Variants in DOCK5 observed in about 807,000 individuals in gnomAD.
The protein encoded by DOCK5 is dedicator of cytokinesis 5.
In DOCK5, 142 loss-of-function variants were observed where a neutral mutation model predicts 251.8. That is an observed-to-expected ratio of 0.56 (90% CI 0.49 to 0.65). The LOEUF is 0.65. Among genes scored for constraint, DOCK5 ranks in the 30% least tolerant of loss-of-function variants. DOCK5 has a pLI of 0.00. For missense variants in DOCK5, 2,111 were observed against 2,312.3 expected (o/e 0.91, Z 1.79); for synonymous variants, 842 against 835.5 (o/e 1.01, Z -0.13).
chr8:25,372,585 A>G lies in DOCK5; in HGVS notation c.3551A>G (p.Lys1184Arg), dbSNP rs768666883. 5 of 1,585,952 alleles carry G rather than the reference A, an allele frequency of 3.2e-6. No homozygotes were observed. The highest frequency in any genetic ancestry group is 2.7e-5 in the African/African-American group (2 of 72,988). ...CTCCTAGAACATTGCCGGAAACACA[A>G]ATACCTCTCCAGCTCTGGGGAGGTC... The part of the protein sequence containing the change: ...KLLLEHCRKH[K>R]YLSSSGEVFA... The change falls in exon 35 of 52, where the codon AAA becomes AGA. Residue 1184 changes from lysine (K) to arginine (R), a missense_variant. Coordinates refer to ENST00000276440, the MANE Select transcript of DOCK5 (RefSeq NM_024940.8).
In DOCK5 at chr8:25,323,927, G is replaced by A. The variant is rs756264742; in HGVS notation, c.1695G>A (p.Gly565=). The A allele has an allele frequency of 1.9e-6, 3 of 1,612,852 alleles. No individual in the cohort carries two copies. The highest frequency in any genetic ancestry group is 2.2e-5 in the East Asian group (1 of 44,860). ...MNPDGTTLQD[G]RHDLVVYKGD... ...CGGATGGCACCACTCTGCAGGATGG[G>A]AGGCACGATCTGGTGGTTTATAAGG... Residue 565 remains glycine (G), a synonymous_variant, in exon 17 of 52, where the codon GGG becomes GGA. Transcript: ENST00000276440.
At chr8:25,204,220 A>G (rs953087533) in intron 1 of DOCK5, among the ~76,000 whole-genome samples, 9 of 152,204 alleles carry the variant, frequency 5.9e-5, no homozygotes, top group African/African-American at 2.2e-4. Flanking sequence ...AGTCGATACA[A>G]CATAATGAGA....
At chr8:25,389,353 C>G in intron 41 of DOCK5, 121 bp downstream of exon 41, 3 of 1,292,454 alleles carry the variant, frequency 2.3e-6, no homozygotes, top group South Asian at 3.2e-5. Context: ...CTCAAGCATT[C>G]TGACACAGGT....
At chr8:25,313,374 G>A (rs1471293381) in intron 13 of DOCK5, among the ~76,000 whole-genome samples, 1 of 152,124 alleles carries the variant, frequency 6.6e-6, no homozygotes, top group Admixed American at 6.5e-5. Context: ...CTAGCCTAGC[G>A]ATCAACTCTG....
intron 12 of DOCK5, among the ~76,000 whole-genome samples, chr8:25,310,172 C>G (rs992961563): frequency 6.6e-6 from 1 of 152,010 alleles, no homozygotes; most frequent in Admixed American, 6.6e-5. Context: ...TAGGGTCTAT[C>G]TTTACCCCTT....
intron 13 of DOCK5, among the ~76,000 whole-genome samples, chr8:25,311,225 G>A (rs1347494079): frequency 6.6e-6 from 1 of 152,092 alleles, no homozygotes; most frequent in Non-Finnish European, 1.5e-5. Context: ...TAAACTAATT[G>A]ATATTAATAG....
chr8:25,282,880 A>G (rs1227807853), intron 5 of DOCK5, among the ~76,000 whole-genome samples: 2 of 121,732 alleles, frequency 1.6e-5, no homozygotes, highest in African/African-American at 2.8e-5. Context: ...AAAAAAAAAA[A>G]GATACCTGTG....
intron 2 of DOCK5, among the ~76,000 whole-genome samples, chr8:25,246,991 A>G (rs1803134434): frequency 1.3e-5 from 2 of 151,828 alleles, no homozygotes; most frequent in African/African-American, 4.8e-5. Flanking sequence ...GGCTCAAGCT[A>G]TCCTCTTGCC....
At chr8:25,360,682 G>T (rs1586361512) in intron 28 of DOCK5, among the ~76,000 whole-genome samples, 1 of 152,154 alleles carries the variant, frequency 6.6e-6, no homozygotes, top group African/African-American at 2.4e-5. Flanking sequence ...CCAGCTTCGT[G>T]CAGGTAGGCA....
chr8:25,309,970 AT>A (rs1805045056), intron 12 of DOCK5, among the ~76,000 whole-genome samples: 1 of 152,182 alleles, frequency 6.6e-6, no homozygotes, highest in South Asian at 2.1e-4. Context: ...GGGAAATTAA[AT>A]TTTCTTAAGT....
intron 2 of DOCK5, among the ~76,000 whole-genome samples, chr8:25,252,007 AAG>A (rs1354431424): frequency 2.6e-5 from 4 of 151,838 alleles, no homozygotes; most frequent in African/African-American, 9.7e-5. Flanking sequence ...AAAAAAAAAA[AAG>A]AGTGCTTTTA....
At chr8:25,261,878 C>G (rs1246379485) in intron 2 of DOCK5, among the ~76,000 whole-genome samples, 1 of 152,142 alleles carries the variant, frequency 6.6e-6, no homozygotes, top group Non-Finnish European at 1.5e-5. Context: ...TGTTTGGGCT[C>G]TTTCACTTAT....
At chr8:25,346,985 C>T (rs1411874722) in intron 26 of DOCK5, among the ~76,000 whole-genome samples, 1 of 152,178 alleles carries the variant, frequency 6.6e-6, no homozygotes, top group Non-Finnish European at 1.5e-5. Context: ...AAAAAAGCAT[C>T]TTACCACAAA....
At chr8:25,323,805 G>C in intron 16 of DOCK5, 43 bp from the exon 17 acceptor site, 1 of 1,591,060 alleles carries the variant, frequency 6.3e-7, no homozygotes, top group Non-Finnish European at 8.6e-7. Context: ...TCGCCTCCTG[G>C]TGTCTCTCTG....
At chr8:25,331,781 C>CATATATAT (rs746849662) in intron 18 of DOCK5, among the ~76,000 whole-genome samples, 1 of 131,196 alleles carries the variant, frequency 7.6e-6, no homozygotes, top group Non-Finnish European at 1.6e-5. Context: ...TAAATTAATG[C>CATATATAT]ATATATATAT....
Position 25,273,388 on chromosome 8 carries a change from A to C in DOCK5, c.169-1998A>C, listed in dbSNP as rs565592129. 2.0e-5 allele frequency among the ~76,000 whole-genome samples: 3 copies of C among 152,274 alleles called. No homozygotes were observed. The East Asian group carries it at 5.8e-4, about 29-fold the overall frequency. ...TGAGGTGAGCTGATCACTTGAGGTTAAGAGTTGAAGACCAGCCTGGCCTGG... is the reference window on the plus strand; with the variant it reads ...TGAGGTGAGCTGATCACTTGAGGTTCAGAGTTGAAGACCAGCCTGGCCTGG... On this transcript the variant is annotated intron_variant, in intron 3 of 51. Coordinates refer to ENST00000276440, the MANE Select transcript of DOCK5 (RefSeq NM_024940.8).
chr8:25,205,628 C>T (rs781389416), intron 1 of DOCK5, among the ~76,000 whole-genome samples: 4 of 152,180 alleles, frequency 2.6e-5, no homozygotes, highest in Non-Finnish European at 4.4e-5. Context: ...ACATCAGATA[C>T]ATGCCTTTAG....
At chr8:25,306,086 A>G (rs996365720) in intron 11 of DOCK5, among the ~76,000 whole-genome samples, 4 of 152,184 alleles carry the variant, frequency 2.6e-5, no homozygotes, top group African/African-American at 9.6e-5. Flanking sequence ...GCTATGAATT[A>G]TTTTTTTAAA....
At chr8:25,240,677 G>T (rs1340412242) in intron 1 of DOCK5, among the ~76,000 whole-genome samples, 1 of 152,150 alleles carries the variant, frequency 6.6e-6, no homozygotes, top group Non-Finnish European at 1.5e-5. Flanking sequence ...CCATTGCATG[G>T]ATATACCATA....
Sources: gnomAD v4.1 joint callset for allele counts (sites outside exome capture counted in the v4.1 genomes callset) on GRCh38, gnomAD v4.1.1 for gene constraint, MANE v1.5 for transcripts, NCBI Gene and HGNC (gene_info 2026-07-23, HGNC 2026-07-21) for gene names.